Variants in PTPRR observed in about 807,000 individuals in gnomAD.
PTPRR encodes receptor-type tyrosine-protein phosphatase R.
A neutral mutation model predicts 77.2 loss-of-function variants in PTPRR; 38 were observed. The observed-to-expected ratio is 0.49, with a 90% confidence interval of 0.38 to 0.65. The LOEUF is 0.65. Ranked by LOEUF, PTPRR falls within the 30% of genes least tolerant of loss-of-function variation. The pLI, the probability that PTPRR is intolerant of heterozygous loss-of-function variation, is 0.00. For missense variants in PTPRR, 744 were observed against 799.2 expected (o/e 0.93, Z 0.83); for synonymous variants, 299 against 283.1 (o/e 1.06, Z -0.57).
At chr12:70,824,328 A>G (rs1413921788) in intron 2 of PTPRR, among the ~76,000 whole-genome samples, 1 of 152,200 alleles carries the variant, frequency 6.6e-6, no homozygotes, top group African/African-American at 2.4e-5. Flanking sequence ...ATGCTTCTCA[A>G]GTAGAAACAA....
intron 12 of PTPRR, among the ~76,000 whole-genome samples, chr12:70,658,455 TC>T: frequency 6.6e-6 from 1 of 152,324 alleles, no homozygotes; most frequent in East Asian, 1.9e-4. Context: ...CACAGAAAGT[TC>T]ATTTCATTGA....
At chr12:70,684,054 A>G in intron 10 of PTPRR, 73 bp downstream of exon 10, 1 of 1,505,120 alleles carries the variant, frequency 6.6e-7, no homozygotes, top group Non-Finnish European at 9.0e-7. Flanking sequence ...GTCCATGGCA[A>G]TTTTACTAAC....
intron 4 of PTPRR, chr12:70,754,596 G>A (rs1411115186): frequency 1.3e-6 from 2 of 1,597,934 alleles, no homozygotes; most frequent in Middle Eastern, 1.7e-4. Flanking sequence ...TGGTTCATAG[G>A]TAAGAGAGTT....
intron 1 of PTPRR, among the ~76,000 whole-genome samples, chr12:70,907,645 C>T (rs113998729): frequency 6.6e-6 from 1 of 152,054 alleles, no homozygotes; most frequent in African/African-American, 2.4e-5. Context: ...ACAATTAAAA[C>T]GGTACCTTGG....
chr12:70,769,548 G>A (rs546967259), intron 2 of PTPRR, among the ~76,000 whole-genome samples: 2 of 152,270 alleles, frequency 1.3e-5, no homozygotes, highest in Non-Finnish European at 2.9e-5. Context: ...ATGCTCATGG[G>A]TAGGAAGAAT....
intron 10 of PTPRR, among the ~76,000 whole-genome samples, chr12:70,678,339 C>T (rs1398464371): frequency 6.6e-6 from 1 of 152,158 alleles, no homozygotes; most frequent in Non-Finnish European, 1.5e-5. Flanking sequence ...CAGCACCCGG[C>T]CAGGATAGGT....
At chr12:70,715,981 A>G (rs985479988) in intron 6 of PTPRR, among the ~76,000 whole-genome samples, 7 of 152,204 alleles carry the variant, frequency 4.6e-5, no homozygotes, top group South Asian at 2.1e-4. Flanking sequence ...TTTACAATTT[A>G]TGTTTAGAGA....
In PTPRR at chr12:70,722,212, C is replaced by T. The variant is rs148467798; in HGVS notation, c.1008-20889G>A. Among the ~76,000 whole-genome samples, 328 of 152,254 alleles carry T rather than the reference C, an allele frequency of 2.2e-3. 1 individual carries two copies. Among genetic ancestry groups the T allele is most frequent in the African/African-American group, 7.7e-3 (318 of 41,550 alleles). ...CAAATGCCTCGGGTGAATAAGAATG[C>T]TTTTCCTGTGTAAGAGCACAAGACA... On this transcript the variant is annotated intron_variant, in intron 6 of 13. Transcript: ENST00000283228.
chr12:70,706,860 T>C (rs17226528), intron 6 of PTPRR, among the ~76,000 whole-genome samples: 2,055 of 152,182 alleles, frequency 0.014, 26 homozygotes, highest in Non-Finnish European at 0.019. Flanking sequence ...ATAATAAAAC[T>C]CACAAAATTG....
chr12:70,712,223 A>G (rs1888851339), intron 6 of PTPRR, among the ~76,000 whole-genome samples: 1 of 152,084 alleles, frequency 6.6e-6, no homozygotes, highest in Non-Finnish European at 1.5e-5. Flanking sequence ...ATTACCTGGA[A>G]GGGCTGTGTT....
intron 13 of PTPRR, among the ~76,000 whole-genome samples, chr12:70,643,476 A>G (rs1246112390): frequency 1.3e-5 from 2 of 152,102 alleles, no homozygotes; most frequent in African/African-American, 2.4e-5. Context: ...TGCCTGGCAA[A>G]TGCAGTTTTT....
At chr12:70,701,803 T>C (rs1888436630) in intron 6 of PTPRR, among the ~76,000 whole-genome samples, 1 of 151,896 alleles carries the variant, frequency 6.6e-6, no homozygotes, top group African/African-American at 2.4e-5. Context: ...TAAAACCCTG[T>C]CTCTACAAAA....
At chr12:70,863,459 A>G (rs181378867) in intron 2 of PTPRR, among the ~76,000 whole-genome samples, 2 of 152,240 alleles carry the variant, frequency 1.3e-5, no homozygotes, top group East Asian at 3.9e-4. Flanking sequence ...TTAATTGCCT[A>G]GCATGCTTTT....
At chr12:70,754,811 T>C (rs1271567032) in intron 4 of PTPRR, 1 of 1,348,970 alleles carries the variant, frequency 7.4e-7, no homozygotes, top group Non-Finnish European at 9.8e-7. Flanking sequence ...TTTAATCACA[T>C]CTTTTTTTTT....
intron 2 of PTPRR, among the ~76,000 whole-genome samples, chr12:70,797,695 T>G (rs554706511): frequency 6.6e-6 from 1 of 152,290 alleles, no homozygotes; most frequent in Admixed American, 6.5e-5. Flanking sequence ...CAGGATCATT[T>G]TGGCACCATT....
chr12:70,694,722 T>A (rs1888170338), intron 8 of PTPRR, among the ~76,000 whole-genome samples: 2 of 152,244 alleles, frequency 1.3e-5, no homozygotes, highest in African/African-American at 4.8e-5. Context: ...TCTCTGGGTG[T>A]CATGCCGTCA....
At chr12:70,658,806 T>C (rs1207271571) in intron 12 of PTPRR, among the ~76,000 whole-genome samples, 1 of 149,202 alleles carries the variant, frequency 6.7e-6, no homozygotes, top group Non-Finnish European at 1.5e-5. Context: ...CATACTCAAA[T>C]GTGTCCAAAT....
At chr12:70,822,219 G>T (rs931552126) in intron 2 of PTPRR, among the ~76,000 whole-genome samples, 1 of 152,160 alleles carries the variant, frequency 6.6e-6, no homozygotes. Context: ...ACAGAAAGTG[G>T]TATAAAACCT....
chr12:70,879,768 G>A (rs1893117462), intron 2 of PTPRR, among the ~76,000 whole-genome samples: 1 of 152,114 alleles, frequency 6.6e-6, no homozygotes, highest in Non-Finnish European at 1.5e-5. Context: ...CGTAGTGACT[G>A]TTTAGACAGA....
Sources: allele counts gnomAD v4.1 joint callset (sites outside exome capture counted in the v4.1 genomes callset), GRCh38; gene constraint gnomAD v4.1.1; transcripts MANE v1.5; gene names NCBI Gene and HGNC (gene_info 2026-07-23, HGNC 2026-07-21).